The following NEDD4 variants were observed in gnomAD, a reference collection of about 807,000 sequenced individuals.
The protein encoded by NEDD4 is E3 ubiquitin-protein ligase NEDD4.
Under a neutral mutation model 144.9 loss-of-function variants are expected in NEDD4, and 99 were observed. The ratio of observed to expected loss-of-function variants is 0.68; its 90% CI spans 0.58 to 0.81. The LOEUF is 0.81. Among genes scored for constraint, NEDD4 ranks in the 30% least tolerant of loss-of-function variants. The probability of loss-of-function intolerance (pLI) is 0.00; values close to 1 mark genes in which losing one functional copy is unlikely to be tolerated. For synonymous variants in NEDD4, 318 were observed against 350.6 expected, an observed-to-expected ratio of 0.91 and a Z score of 1.04; for missense variants, 985 against 1,065.9, an observed-to-expected ratio of 0.92 and a Z score of 1.06.
At chr15:55,973,038 G>A (rs1014809320) in intron 1 of NEDD4, among the ~76,000 whole-genome samples, 2 of 152,138 alleles carry the variant, frequency 1.3e-5, no homozygotes, top group African/African-American at 4.8e-5. Flanking sequence ...GTAATAGTTG[G>A]AAATTTCAAT....
At position 55,830,141 on chromosome 15, in the gene NEDD4, C is replaced by T. The variant is rs1595717408; in HGVS notation, c.2601-142G>A. 1.4e-5 allele frequency: 9 copies of T among 649,680 alleles called. No individual in the cohort carries two copies. The East Asian group carries it at 1.6e-4, about 12-fold the overall frequency. The allele number at this position is 649,680 out of a possible 1,614,324, so 40.2% of individuals were successfully genotyped here. The stretch of plus-strand genomic sequence containing the variant: ...CTTTTCACCAGGGGTAGAAGTAAGA[C>T]GTAGGACTGGGTTCTGGGCATGGAT... On this transcript the variant is annotated intron_variant, in intron 28 of 28. Transcript: ENST00000435532.
chr15:55,963,165 TCTGTCGC>T (rs2037454435), intron 2 of NEDD4, among the ~76,000 whole-genome samples: 1 of 149,680 alleles, frequency 6.7e-6, no homozygotes, highest in African/African-American at 2.5e-5. Context: ...AGGGTCTCAC[TCTGTCGC>T]CTAGGCTGGA....
chr15:55,892,925 AC>A (rs1237394624), intron 5 of NEDD4, among the ~76,000 whole-genome samples: 1 of 152,168 alleles, frequency 6.6e-6, no homozygotes, highest in African/African-American at 2.4e-5. Context: ...CTAAATTCAG[AC>A]TGACAATCTA....
At chr15:55,852,712 T>A (rs1376454558) in intron 12 of NEDD4, among the ~76,000 whole-genome samples, 169 bp from the exon 13 acceptor site, 3 of 127,178 alleles carry the variant, frequency 2.4e-5, no homozygotes, top group Admixed American at 8.3e-5. Flanking sequence ...TATATATATA[T>A]ATATATATAT....
chr15:55,847,797 C>A (rs1346739253), intron 17 of NEDD4, among the ~76,000 whole-genome samples: 1 of 151,840 alleles, frequency 6.6e-6, no homozygotes, highest in African/African-American at 2.4e-5. Flanking sequence ...CTGCCTCAGC[C>A]TCCCAAGTAG....
At chr15:55,838,227 T>C in intron 22 of NEDD4, 47 bp from the exon 23 acceptor site, 1 of 1,332,692 alleles carries the variant, frequency 7.5e-7, no homozygotes, top group Non-Finnish European at 1.0e-6. Flanking sequence ...GCGAGAAAAA[T>C]TTAAAAAGTA....
intron 5 of NEDD4, among the ~76,000 whole-genome samples, chr15:55,882,998 G>T (rs2035249766): frequency 6.6e-6 from 1 of 152,148 alleles, no homozygotes; most frequent in Admixed American, 6.5e-5. Flanking sequence ...CTCCTGCGTG[G>T]GAAGAGTAGA....
Position 55,829,874 on chromosome 15 carries a change from C to T in NEDD4, c.*23G>A. ...GGTTATAAAACTATGGCAGTAAAAA[C>T]ACTACAGATTGTTATTTGTAATCTA... On this transcript the variant is annotated 3_prime_UTR_variant, in exon 29 of 29. Coordinates refer to ENST00000435532, the MANE Select transcript of NEDD4 (RefSeq NM_006154.4). The T allele has an allele frequency of 6.3e-7, 1 of 1,576,888 alleles. No homozygotes were observed. The highest frequency in any genetic ancestry group is 8.7e-7 in the Non-Finnish European group (1 of 1,155,116).
intron 5 of NEDD4, among the ~76,000 whole-genome samples, chr15:55,902,163 C>T (rs2035933352): frequency 1.3e-5 from 2 of 152,040 alleles, no homozygotes; most frequent in South Asian, 2.1e-4. Context: ...ATATTGGTAA[C>T]CCATGCATTA....
intron 4 of NEDD4, among the ~76,000 whole-genome samples, chr15:55,944,305 G>GT (rs764054329): frequency 3.9e-5 from 6 of 152,224 alleles, no homozygotes; most frequent in Admixed American, 3.9e-4. Flanking sequence ...TTTTCCCATG[G>GT]TCTTATCAAC....
intron 5 of NEDD4, among the ~76,000 whole-genome samples, chr15:55,904,785 C>A (rs368905903): frequency 6.6e-6 from 1 of 151,962 alleles, no homozygotes; most frequent in Admixed American, 6.6e-5. Flanking sequence ...AGAATATACA[C>A]AAGGTATGTC....
chr15:55,983,433 T>A (rs2037838259), intron 1 of NEDD4, among the ~76,000 whole-genome samples: 1 of 152,164 alleles, frequency 6.6e-6, no homozygotes, highest in African/African-American at 2.4e-5. Context: ...GCCTCTTGTT[T>A]TAGCACTCCA....
chr15:55,970,911 C>T (rs1170571579), intron 1 of NEDD4, among the ~76,000 whole-genome samples: 1 of 152,136 alleles, frequency 6.6e-6, no homozygotes, highest in South Asian at 2.1e-4. Context: ...CAACATCATC[C>T]AGGACAACAT....
chr15:55,946,691 C>A (rs1390880226), intron 4 of NEDD4, among the ~76,000 whole-genome samples: 2 of 152,222 alleles, frequency 1.3e-5, no homozygotes, highest in Non-Finnish European at 2.9e-5. Flanking sequence ...CACCCCAAAT[C>A]AACAGAATAT....
intron 1 of NEDD4, among the ~76,000 whole-genome samples, chr15:55,990,264 C>G (rs1020217956): frequency 6.6e-6 from 1 of 152,024 alleles, no homozygotes; most frequent in Admixed American, 6.6e-5. Flanking sequence ...ATCCCCGGTC[C>G]ATGGAAAAAC....
At chr15:55,951,139 C>T (rs1295961049) in intron 4 of NEDD4, among the ~76,000 whole-genome samples, 1 of 152,140 alleles carries the variant, frequency 6.6e-6, no homozygotes, top group African/African-American at 2.4e-5. Context: ...TGGAGTAAGA[C>T]TACTGTACAG....
At chr15:55,961,721 A>G (rs2037429713) in intron 2 of NEDD4, among the ~76,000 whole-genome samples, 1 of 152,074 alleles carries the variant, frequency 6.6e-6, no homozygotes, top group Non-Finnish European at 1.5e-5. Context: ...CGCCCGCCTC[A>G]GCCTCCCAAA....
At chr15:55,831,336 C>T (rs1450426445) in intron 27 of NEDD4, among the ~76,000 whole-genome samples, 1 of 152,170 alleles carries the variant, frequency 6.6e-6, no homozygotes, top group African/African-American at 2.4e-5. Flanking sequence ...ACTTTGTATT[C>T]TAACACAAAC....
chr15:55,946,493 C>A (rs2037116211), intron 4 of NEDD4, among the ~76,000 whole-genome samples: 1 of 152,102 alleles, frequency 6.6e-6, no homozygotes, highest in Admixed American at 6.6e-5. Context: ...ACAGAAGCAC[C>A]CAGATTCATA....
Sources: allele counts gnomAD v4.1 joint callset (sites outside exome capture counted in the v4.1 genomes callset), GRCh38; gene constraint gnomAD v4.1.1; transcripts MANE v1.5; gene names NCBI Gene and HGNC (gene_info 2026-07-23, HGNC 2026-07-21).